Variants in DCDC1 observed in about 807,000 individuals in gnomAD.
DCDC1 encodes the protein doublecortin domain containing 1.
DCDC1 carries 200 observed loss-of-function variants against 178.3 expected under a neutral mutation model. That is an observed-to-expected ratio of 1.12 (90% CI 1.00 to 1.26). DCDC1 has a LOEUF of 1.26. DCDC1 is among the 50% of genes most tolerant of loss of function. DCDC1 has a pLI of 0.00. For synonymous variants in DCDC1, 690 were observed against 604.8 expected, an observed-to-expected ratio of 1.14 and a Z score of -2.07; for missense variants, 1,983 against 1,749.2, an observed-to-expected ratio of 1.13 and a Z score of -2.38.
intron 21 of DCDC1, among the ~76,000 whole-genome samples, chr11:30,947,900 G>A (rs780225247): frequency 6.6e-6 from 1 of 152,028 alleles, no homozygotes; most frequent in East Asian, 1.9e-4. Context: ...CAAAAAAAGT[G>A]GGCAAAAGAG....
intron 38 of DCDC1, among the ~76,000 whole-genome samples, chr11:30,865,736 T>G (rs974291286): frequency 6.6e-6 from 1 of 152,158 alleles, no homozygotes; most frequent in Non-Finnish European, 1.5e-5. Context: ...GCATTCAATT[T>G]ACCTCATAGG....
chr11:31,283,954 C>A (rs1225273255), intron 7 of DCDC1, among the ~76,000 whole-genome samples: 1 of 148,848 alleles, frequency 6.7e-6, no homozygotes, highest in Non-Finnish European at 1.5e-5. Flanking sequence ...TCTTCTCTCT[C>A]TCTCACTCTT....
At chr11:31,344,399 A>G (rs1312949323) in intron 1 of DCDC1, among the ~76,000 whole-genome samples, 1 of 152,168 alleles carries the variant, frequency 6.6e-6, no homozygotes, top group East Asian at 1.9e-4. Flanking sequence ...CTAGGGTACC[A>G]TTCCATCCTT....
chr11:31,201,360 G>C (rs928366013), intron 9 of DCDC1, among the ~76,000 whole-genome samples: 1 of 151,694 alleles, frequency 6.6e-6, no homozygotes, highest in Non-Finnish European at 1.5e-5. Context: ...ATTTTATAAA[G>C]TTGAACATCT....
intron 20 of DCDC1, among the ~76,000 whole-genome samples, chr11:30,997,138 C>G (rs1272799524): frequency 2.6e-5 from 4 of 152,128 alleles, no homozygotes; most frequent in Non-Finnish European, 2.9e-5. Flanking sequence ...AAAGGAAAAG[C>G]TGTAGGGACA....
intron 20 of DCDC1, among the ~76,000 whole-genome samples, chr11:30,990,622 G>A (rs1340712835): frequency 6.6e-6 from 1 of 152,204 alleles, no homozygotes; most frequent in Non-Finnish European, 1.5e-5. Flanking sequence ...ATTAGGAAAT[G>A]CAGCTATTTG....
At chr11:31,219,314 T>A (rs1366749839) in intron 9 of DCDC1, among the ~76,000 whole-genome samples, 3 of 152,160 alleles carry the variant, frequency 2.0e-5, no homozygotes, top group Non-Finnish European at 4.4e-5. Context: ...CTCAAAAATT[T>A]CATTAAGAAA....
intron 37 of DCDC1, among the ~76,000 whole-genome samples, chr11:30,879,327 T>C (rs1942430687): frequency 6.6e-6 from 1 of 152,202 alleles, no homozygotes; most frequent in African/African-American, 2.4e-5. Context: ...TTAATGGGTA[T>C]AGGCATGTAG....
intron 22 of DCDC1, among the ~76,000 whole-genome samples, chr11:30,926,010 C>T (rs1376605957): frequency 3.9e-5 from 6 of 152,132 alleles, no homozygotes; most frequent in Admixed American, 1.3e-4. Context: ...ACCGGACAAG[C>T]CCTGTGGATA....
At chr11:31,200,642 A>G (rs1374139000) in intron 9 of DCDC1, among the ~76,000 whole-genome samples, 2 of 151,968 alleles carry the variant, frequency 1.3e-5, no homozygotes, top group African/African-American at 2.4e-5. Flanking sequence ...TTAAAAAATA[A>G]TATTATTTTT....
intron 3 of DCDC1, among the ~76,000 whole-genome samples, chr11:31,309,999 C>T (rs1464434766): frequency 6.6e-6 from 1 of 152,114 alleles, no homozygotes; most frequent in East Asian, 1.9e-4. Flanking sequence ...CACATCTTCC[C>T]CATCTTCTGG....
intron 12 of DCDC1, among the ~76,000 whole-genome samples, chr11:31,109,160 C>T (rs1959038506): frequency 6.6e-6 from 1 of 150,680 alleles, no homozygotes; most frequent in African/African-American, 2.4e-5. Flanking sequence ...ACTCTGTCAC[C>T]CAGGCTGGAG....
intron 20 of DCDC1, among the ~76,000 whole-genome samples, chr11:30,978,232 A>G (rs759990004): frequency 1.3e-5 from 2 of 152,190 alleles, no homozygotes; most frequent in East Asian, 1.9e-4. Flanking sequence ...GTGACCTCAG[A>G]CCTGTCTGGA....
chr11:31,270,351 T>A (rs892746682), intron 7 of DCDC1, among the ~76,000 whole-genome samples: 1 of 152,256 alleles, frequency 6.6e-6, no homozygotes, highest in African/African-American at 2.4e-5. Context: ...GCTGCTTTCA[T>A]GCTATAACAG....
At chr11:30,990,450 GT>G (rs1950913212) in intron 20 of DCDC1, among the ~76,000 whole-genome samples, 1 of 152,104 alleles carries the variant, frequency 6.6e-6, no homozygotes, top group African/African-American at 2.4e-5. Flanking sequence ...CACAGGACAG[GT>G]AAGAACTTTC....
At chr11:31,060,178 A>G (rs1291860625) in intron 20 of DCDC1, among the ~76,000 whole-genome samples, 1 of 152,108 alleles carries the variant, frequency 6.6e-6, no homozygotes, top group African/African-American at 2.4e-5. Flanking sequence ...AACATAATAA[A>G]TTGAGAACCA....
intron 20 of DCDC1, among the ~76,000 whole-genome samples, chr11:31,055,596 C>A (rs994476145): frequency 6.6e-6 from 1 of 152,164 alleles, no homozygotes; most frequent in Non-Finnish European, 1.5e-5. Context: ...ATTGTGGAAC[C>A]AACCCAAATG....
chr11:31,327,928 C>T (rs1949736960), intron 3 of DCDC1, among the ~76,000 whole-genome samples, 189 bp downstream of exon 3: 1 of 152,036 alleles, frequency 6.6e-6, no homozygotes, highest in African/African-American at 2.4e-5. Flanking sequence ...CAGGGTTTCA[C>T]CATGTTGGCC....
At chr11:31,198,878 C>G (rs1471884248) in intron 9 of DCDC1, among the ~76,000 whole-genome samples, 1 of 151,688 alleles carries the variant, frequency 6.6e-6, no homozygotes, top group Non-Finnish European at 1.5e-5. Flanking sequence ...CAAAAGCTGA[C>G]CTCTGAATAA....
Sources: gnomAD v4.1 joint callset for allele counts (sites outside exome capture counted in the v4.1 genomes callset) on GRCh38, gnomAD v4.1.1 for gene constraint, MANE v1.5 for transcripts, NCBI Gene and HGNC (gene_info 2026-07-23, HGNC 2026-07-21) for gene names.